ITFG1: variants seen among roughly 807,000 people sequenced by gnomAD.
The protein encoded by ITFG1 is integrin alpha FG-GAP repeat containing 1.
ITFG1 carries 34 observed loss-of-function variants against 81.8 expected under a neutral mutation model. The ratio of observed to expected loss-of-function variants is 0.42; its 90% CI spans 0.32 to 0.55. The LOEUF (loss-of-function observed/expected upper bound fraction) is 0.55, where lower values mean the gene tolerates loss of function less well. Among genes scored for constraint, ITFG1 ranks in the 20% least tolerant of loss-of-function variants. The probability of loss-of-function intolerance (pLI) is 0.17; values close to 1 mark genes in which losing one functional copy is unlikely to be tolerated. For missense variants in ITFG1, 672 were observed against 755.4 expected (o/e 0.89, Z 1.29); for synonymous variants, 285 against 270.6 (o/e 1.05, Z -0.52).
At chr16:47,385,769 T>C (rs374391518) in intron 6 of ITFG1, among the ~76,000 whole-genome samples, 1 of 152,208 alleles carries the variant, frequency 6.6e-6, no homozygotes, top group East Asian at 1.9e-4. Flanking sequence ...CTTCAACCTT[T>C]CTTTTTTAAT....
chr16:47,211,588 C>T (rs576245913), intron 14 of ITFG1, among the ~76,000 whole-genome samples: 2 of 152,262 alleles, frequency 1.3e-5, no homozygotes, highest in East Asian at 3.9e-4. Flanking sequence ...TGCTTAGTTC[C>T]TAATCTTCGA....
intron 10 of ITFG1, among the ~76,000 whole-genome samples, chr16:47,278,436 G>A (rs1966419548): frequency 6.6e-6 from 1 of 152,194 alleles, no homozygotes; most frequent in South Asian, 2.1e-4. Context: ...GGCAGGAACA[G>A]AAGGGGCGGC....
At chr16:47,373,699 A>G (rs1968288155) in intron 7 of ITFG1, among the ~76,000 whole-genome samples, 1 of 151,994 alleles carries the variant, frequency 6.6e-6, no homozygotes, top group Admixed American at 6.6e-5. Flanking sequence ...GGTCATCCAC[A>G]CTCACATCCC....
intron 13 of ITFG1, among the ~76,000 whole-genome samples, chr16:47,230,957 C>T (rs1414193878): frequency 1.3e-5 from 2 of 152,124 alleles, no homozygotes; most frequent in Admixed American, 1.3e-4. Flanking sequence ...ACCGTGTTAG[C>T]CAGGATGGTC....
intron 6 of ITFG1, among the ~76,000 whole-genome samples, chr16:47,418,399 T>C (rs757869182): frequency 6.6e-6 from 1 of 152,144 alleles, no homozygotes; most frequent in Non-Finnish European, 1.5e-5. Context: ...CATTTATCTT[T>C]TTTTTGTTTT....
intron 13 of ITFG1, among the ~76,000 whole-genome samples, chr16:47,232,294 A>C (rs1407208953): frequency 6.6e-6 from 1 of 152,276 alleles, no homozygotes; most frequent in Non-Finnish European, 1.5e-5. Flanking sequence ...GGCTTAACAG[A>C]AGTGAAATAA....
chr16:47,215,194 A>G (rs1238936630), intron 14 of ITFG1, among the ~76,000 whole-genome samples: 1 of 152,316 alleles, frequency 6.6e-6, no homozygotes, highest in African/African-American at 2.4e-5. Flanking sequence ...CTCTTCCTAC[A>G]GTGGAACATT....
chr16:47,285,991 T>C (rs1966868084), intron 10 of ITFG1, among the ~76,000 whole-genome samples: 1 of 152,162 alleles, frequency 6.6e-6, no homozygotes, highest in African/African-American at 2.4e-5. Flanking sequence ...CCCAAAAGCC[T>C]TTCCTGACAC....
intron 8 of ITFG1, among the ~76,000 whole-genome samples, chr16:47,353,345 T>C (rs1188218305): frequency 6.6e-6 from 1 of 152,186 alleles, no homozygotes; most frequent in Non-Finnish European, 1.5e-5. Flanking sequence ...CAGAATTCAG[T>C]ATCCCTTTGT....
At chr16:47,460,679 G>T (rs1441444011) in intron 1 of ITFG1, among the ~76,000 whole-genome samples, 159 bp downstream of exon 1, 1 of 152,170 alleles carries the variant, frequency 6.6e-6, no homozygotes, top group Non-Finnish European at 1.5e-5. Context: ...AAAGGGTGGT[G>T]CAAAAGGACA....
At chr16:47,257,776 A>G (rs747098314) in intron 12 of ITFG1, among the ~76,000 whole-genome samples, 5 of 152,218 alleles carry the variant, frequency 3.3e-5, no homozygotes, top group Non-Finnish European at 5.9e-5. Context: ...AAGAAATGAC[A>G]ACCCAGTAGC....
intron 11 of ITFG1, among the ~76,000 whole-genome samples, chr16:47,259,156 AAATG>A (rs1289047004): frequency 6.6e-6 from 1 of 152,206 alleles, no homozygotes; most frequent in Non-Finnish European, 1.5e-5. Flanking sequence ...CGAAGGAAAT[AAATG>A]TATGCTTATT....
chr16:47,332,770 T>C (rs1967652587), intron 8 of ITFG1, among the ~76,000 whole-genome samples: 1 of 152,166 alleles, frequency 6.6e-6, no homozygotes, highest in Non-Finnish European at 1.5e-5. Context: ...GCAAGCTCTA[T>C]TTAGGAATGG....
At chr16:47,283,778 T>C (rs556961860) in intron 10 of ITFG1, among the ~76,000 whole-genome samples, 4 of 152,224 alleles carry the variant, frequency 2.6e-5, no homozygotes, top group Non-Finnish European at 5.9e-5. Flanking sequence ...TTTGTTACTA[T>C]GGCAATAGGA....
intron 8 of ITFG1, among the ~76,000 whole-genome samples, chr16:47,332,992 GAATT>G (rs1454682360): frequency 1.3e-5 from 2 of 152,032 alleles, no homozygotes; most frequent in Non-Finnish European, 2.9e-5. Context: ...CATAAGCACT[GAATT>G]AATCACCGAA....
intron 10 of ITFG1, among the ~76,000 whole-genome samples, chr16:47,285,700 T>A (rs1479949436): frequency 6.6e-6 from 1 of 152,180 alleles, no homozygotes; most frequent in Non-Finnish European, 1.5e-5. Context: ...GTCTTCTATG[T>A]TAGTAACTAT....
At chr16:47,184,012 C>T (rs1965172579) in intron 14 of ITFG1, among the ~76,000 whole-genome samples, 2 of 151,906 alleles carry the variant, frequency 1.3e-5, no homozygotes, top group Non-Finnish European at 2.9e-5. Context: ...GGAGCCGATG[C>T]GATCAACTGG....
At chr16:47,207,379 C>G (rs374906033) in intron 14 of ITFG1, among the ~76,000 whole-genome samples, 1 of 152,194 alleles carries the variant, frequency 6.6e-6, no homozygotes, top group African/African-American at 2.4e-5. Context: ...CCACCGCGCC[C>G]GGCCTGCTCT....
At chr16:47,458,482 A>G (rs532500673) in intron 2 of ITFG1, among the ~76,000 whole-genome samples, 35 of 152,290 alleles carry the variant, frequency 2.3e-4, no homozygotes, top group African/African-American at 8.2e-4. Context: ...TTGAATTCAG[A>G]CAGCCACGAA....
Sources: allele counts gnomAD v4.1 joint callset (sites outside exome capture counted in the v4.1 genomes callset), GRCh38; gene constraint gnomAD v4.1.1; transcripts MANE v1.5; gene names NCBI Gene and HGNC (gene_info 2026-07-23, HGNC 2026-07-21).